The following CCT4 variants were observed in gnomAD, a reference collection of about 807,000 sequenced individuals.
CCT4 encodes the protein T-complex protein 1 subunit delta.
In CCT4, 17 loss-of-function variants were observed where a neutral mutation model predicts 62.5. That is an observed-to-expected ratio of 0.27 (90% confidence interval 0.19 to 0.41). The LOEUF is 0.41. Ranked by LOEUF, CCT4 falls within the 10% of genes least tolerant of loss-of-function variation. The probability of loss-of-function intolerance (pLI) is 1.00; values close to 1 mark genes in which losing one functional copy is unlikely to be tolerated. For synonymous variants in CCT4, 250 were observed against 229.9 expected (o/e 1.09, Z -0.79); for missense variants, 592 against 659.2 (o/e 0.90, Z 1.12).
intron 12 of CCT4, among the ~76,000 whole-genome samples, chr2:61,871,852 TAAA>T: frequency 6.6e-6 from 1 of 152,236 alleles, no homozygotes; most frequent in Middle Eastern, 3.2e-3. Flanking sequence ...AGTAACTTGC[TAAA>T]AGCTAGTCAG....
chr2:61,888,396 T>G lies in CCT4; in HGVS notation c.112A>C (p.Ile38Leu). The change falls in exon 1 of 14, where the codon ATT (isoleucine) becomes CTT (leucine). Residue 38 changes from isoleucine (I) to leucine (L), a missense_variant. Coordinates refer to ENST00000394440, the MANE Select transcript of CCT4 (RefSeq NM_006430.4). ...DKPAQIRFSNISAAKAVADAI... is the reference protein window; with the variant it reads ...DKPAQIRFSNLSAAKAVADAI... ...AGAGTGATACCTTTGGCGGCGGAAA[T>G]GTTGCTGAAGCGGATCTGGGCTGGC... The G allele has an allele frequency of 6.2e-7, 1 of 1,612,620 alleles. No individual in the cohort carries two copies. The highest frequency in any genetic ancestry group is 8.5e-7 in the Non-Finnish European group (1 of 1,179,462).
At chr2:61,878,838 T>A (rs1425568647) in intron 5 of CCT4, 31 bp downstream of exon 5, 1 of 1,545,720 alleles carries the variant, frequency 6.5e-7, no homozygotes, top group Non-Finnish European at 8.8e-7. Flanking sequence ...TTTTAACTAA[T>A]TTGACAAGTA....
chr2:61,888,148 A>C (rs1301490088), intron 1 of CCT4: 1 of 538,462 alleles, frequency 1.9e-6, no homozygotes, highest in African/African-American at 1.9e-5. Context: ...CAGGATGAAA[A>C]ACTAAGGGAG....
chr2:61,868,495 G>C lies in CCT4; in HGVS notation c.*197C>G. 1 of 507,666 alleles carries C rather than the reference G, an allele frequency of 2.0e-6. No homozygotes were observed. Among genetic ancestry groups the C allele is most frequent in the Non-Finnish European group, 3.5e-6 (1 of 284,392 alleles). The allele number at this position is 507,666 out of a possible 1,614,324, so 31.4% of individuals were successfully genotyped here. A position where few individuals can be genotyped will look rare whatever the true frequency, so the allele number is the denominator to read the frequency against. ...CAGAAATAACAGAATGTTGGGAGAA[G>C]ATAAATCTGCCTTTTGAAACCAAAT... On this transcript the variant is annotated 3_prime_UTR_variant, in exon 14 of 14. Transcript: ENST00000394440.
rs76530448 is a variant in CCT4 at position 61,888,008 on chromosome 2, A to T, written c.127+373T>A. On this transcript the variant is annotated intron_variant, in intron 1 of 13. Transcript: ENST00000394440. ...TAAATAAGAATAACAAAGCTGAAAG[A>T]TACTGTGCATTCTACCAGTTCCAAT... The T allele has an allele frequency of 3.3e-3, 615 of 187,230 alleles. 5 individuals are homozygous for T. The highest frequency in any genetic ancestry group is 0.014 in the African/African-American group (581 of 43,024). 11.6% of individuals were successfully genotyped at this position (187,230 alleles called of 1,614,324 possible).
At chr2:61,884,910 G>C in intron 2 of CCT4, 110 bp downstream of exon 2, 1 of 903,564 alleles carries the variant, frequency 1.1e-6, no homozygotes, top group Non-Finnish European at 1.7e-6. Flanking sequence ...ATAGGTGTGA[G>C]CCACCACGCC....
In CCT4 at chr2:61,887,502, T is replaced by C. The variant is rs1160097289; in HGVS notation, c.127+879A>G. On this transcript the variant is annotated intron_variant, in intron 1 of 13. Transcript: ENST00000394440. ...TCTAATCTCACCTCTTCTGTAAACA[T>C]ACTACTATTCTCCAACCCAAAAGAA... is the stretch of plus-strand genomic sequence containing the variant. Among the ~76,000 whole-genome samples the C allele has an allele frequency of 2.0e-5, 3 of 151,984 alleles. No homozygotes were observed. The East Asian group carries it at 6.0e-4, about 30-fold the overall frequency.
intron 6 of CCT4, 80 bp from the exon 7 acceptor site, chr2:61,877,132 T>G (rs923381845): frequency 8.7e-6 from 11 of 1,268,706 alleles, no homozygotes; most frequent in Non-Finnish European, 1.2e-5. Flanking sequence ...AGATTAAAAG[T>G]CATCAGTCCA....
In CCT4 at chr2:61,888,553, C is replaced by T; in HGVS notation, c.-46G>A. 6.3e-7 allele frequency: 1 copy of T among 1,591,410 alleles called. No individual in the cohort carries two copies. The highest frequency in any genetic ancestry group is 1.1e-5 in the South Asian group (1 of 89,638). ...GGTTGGCTCGGGAAGGACGGATGGA[C>T]CCGGATTCTGGCCGGCCGCAGTGTA... On this transcript the variant is annotated 5_prime_UTR_variant, in exon 1 of 14. Transcript: ENST00000394440.
chr2:61,886,725 T>C (rs572400527), intron 1 of CCT4, among the ~76,000 whole-genome samples: 3 of 152,178 alleles, frequency 2.0e-5, no homozygotes, highest in Admixed American at 6.5e-5. Flanking sequence ...GTTTGTTGAA[T>C]ATCAACCATA....
At chr2:61,875,030 T>C (rs1424934083) in intron 8 of CCT4, among the ~76,000 whole-genome samples, 1 of 150,658 alleles carries the variant, frequency 6.6e-6, no homozygotes, top group African/African-American at 2.4e-5. Context: ...TAATCCCAAC[T>C]ACTCGGGAGG....
chr2:61,869,314 C>A (rs1451447079), intron 13 of CCT4, 126 bp downstream of exon 13: 6 of 622,804 alleles, frequency 9.6e-6, no homozygotes, highest in Middle Eastern at 4.5e-4. Context: ...CCAGCCTGGG[C>A]AACAGAGCAA....
At chr2:61,880,256 T>G in intron 4 of CCT4, 30 bp downstream of exon 4, 1 of 1,206,158 alleles carries the variant, frequency 8.3e-7, no homozygotes. Flanking sequence ...AAACTTTTCT[T>G]TATTCAGTAA....
In CCT4 at chr2:61,888,501, C is replaced by T. The variant is rs1398695392; in HGVS notation, c.7G>A (p.Glu3Lys). MPENVAPRSGATA... is the reference protein window; with the variant it reads MPKNVAPRSGATA... ...GCCCCGCTCCGGGGTGCCACATTCTCGGGCATGGCAAACTCCGCTGTGTCT... is the reference window on the plus strand; with the variant it reads ...GCCCCGCTCCGGGGTGCCACATTCTTGGGCATGGCAAACTCCGCTGTGTCT... Residue 3 changes from glutamate (E) to lysine (K), a missense_variant, in exon 1 of 14, where the codon GAG (glutamate) becomes AAG (lysine). Around this residue, in one of 3 missense-constraint regions of CCT4, gnomAD observed 67 missense variants for 71.1 expected, o/e 0.94. Coordinates refer to ENST00000394440, the MANE Select transcript of CCT4 (RefSeq NM_006430.4). 2 of 1,611,640 alleles carry T rather than the reference C, an allele frequency of 1.2e-6. No individual in the cohort carries two copies. Among genetic ancestry groups the T allele is most frequent in the Non-Finnish European group, 1.7e-6 (2 of 1,179,238 alleles).
At chr2:61,885,436 T>C (rs1669229014) in intron 1 of CCT4, among the ~76,000 whole-genome samples, 2 of 152,144 alleles carry the variant, frequency 1.3e-5, no homozygotes, top group African/African-American at 4.8e-5. Flanking sequence ...TTTTGAGACA[T>C]GGTCTCACTC....
chr2:61,872,855 A>G, intron 10 of CCT4, 147 bp downstream of exon 10: 2 of 679,568 alleles, frequency 2.9e-6, no homozygotes, highest in South Asian at 3.6e-5. Context: ...TGAACCCGGG[A>G]GGCGGAGCTT....
At position 61,876,933 on chromosome 2, in the gene CCT4, G is replaced by A. The variant is rs1669012522; in HGVS notation, c.764C>T (p.Ala255Val). 2.5e-6 allele frequency: 4 copies of A among 1,611,262 alleles called. No individual in the cohort carries two copies. Among genetic ancestry groups the A allele is most frequent in the South Asian group, 1.1e-5 (1 of 90,490 alleles). The stretch of plus-strand genomic sequence containing the variant: ...GATTCTACTTACGTCTGTTTTGGGA[G>A]CAGATAAGCAAAACTGAATAAGCCC... ...KIGLIQFCLSAPKTDMDNQIV... is the reference protein window; with the variant it reads ...KIGLIQFCLSVPKTDMDNQIV... Residue 255 changes from alanine to valine, a missense_variant, in exon 7 of 14, where the codon GCT becomes GTT. Ala to Val is a moderately conservative substitution (Grantham distance 64, BLOSUM62 0). This residue lies in a region of CCT4 where 522 missense variants were observed against 571.2 expected (regional missense o/e 0.91). Transcript: ENST00000394440.
In CCT4 at chr2:61,888,510, C is replaced by A; in HGVS notation, c.-3G>T. 6.2e-7 allele frequency: 1 copy of A among 1,611,004 alleles called. No homozygotes were observed. Among genetic ancestry groups the A allele is most frequent in the Non-Finnish European group, 8.5e-7 (1 of 1,178,928 alleles). On this transcript the variant is annotated 5_prime_UTR_variant, in exon 1 of 14. Transcript: ENST00000394440. ...CGGGGTGCCACATTCTCGGGCATGGCAAACTCCGCTGTGTCTGGGTTGGCT... is the reference window on the plus strand; with the variant it reads ...CGGGGTGCCACATTCTCGGGCATGGAAAACTCCGCTGTGTCTGGGTTGGCT...
At position 61,876,012 on chromosome 2, in the gene CCT4, C is replaced by A. The variant is rs1572918532; in HGVS notation, c.917+83G>T. The A allele has an allele frequency of 1.4e-5, 12 of 843,084 alleles. No homozygotes were observed. The East Asian group carries it at 3.1e-4, about 22-fold the overall frequency. The allele number at this position is 843,084 out of a possible 1,614,324, so 52.2% of individuals were successfully genotyped here. ...ACGAACTTAGAGTAAGTGCTTAAAT[C>A]ATATATTTTATCAGAAAAAATAAAC... On this transcript the variant is annotated intron_variant, in intron 8 of 13. Transcript: ENST00000394440.
Sources: gnomAD v4.1 joint callset for allele counts (sites outside exome capture counted in the v4.1 genomes callset) on GRCh38, gnomAD v4.1.1 for gene constraint, gnomAD v4.1.1 regional missense constraint, MANE v1.5 for transcripts, NCBI Gene and HGNC (gene_info 2026-07-23, HGNC 2026-07-21) for gene names.